UBE2E3: variants seen among roughly 807,000 people sequenced by gnomAD.
UBE2E3 encodes ubiquitin-conjugating enzyme E2 E3.
Under a neutral mutation model 23.6 loss-of-function variants are expected in UBE2E3, and 5 were observed. That is an observed-to-expected ratio of 0.21 (90% CI 0.11 to 0.44). The LOEUF (loss-of-function observed/expected upper bound fraction) is 0.44. Among genes scored for constraint, UBE2E3 ranks in the 20% least tolerant of loss-of-function variants. The probability of loss-of-function intolerance (pLI) is 0.99; values close to 1 mark genes in which losing one functional copy is unlikely to be tolerated. For synonymous variants in UBE2E3, 78 were observed against 87.5 expected, an observed-to-expected ratio of 0.89 and a Z score of 0.60; for missense variants, 81 against 249.8, an observed-to-expected ratio of 0.32 and a Z score of 4.55.
intron 2 of UBE2E3, 152 bp from the exon 3 acceptor site, chr2:180,983,891 C>A: frequency 1.9e-6 from 1 of 530,320 alleles, no homozygotes; most frequent in Non-Finnish European, 3.3e-6. Context: ...TGGGTTATGC[C>A]TCTGAGAACA....
intron 3 of UBE2E3, among the ~76,000 whole-genome samples, chr2:181,004,994 A>G (rs1250553358): frequency 1.3e-5 from 2 of 152,252 alleles, no homozygotes; most frequent in South Asian, 2.1e-4. Context: ...CTATAAGACA[A>G]ACTCAGCACT....
intron 3 of UBE2E3, among the ~76,000 whole-genome samples, chr2:181,003,117 T>C (rs62180120): frequency 0.23 from 35,371 of 152,188 alleles, 4,487 homozygotes; most frequent in Non-Finnish European, 0.28. Flanking sequence ...GAACATCACT[T>C]TTGTGACAGG....
At chr2:181,026,659 T>G (rs539019584) in intron 3 of UBE2E3, among the ~76,000 whole-genome samples, 1 of 151,984 alleles carries the variant, frequency 6.6e-6, no homozygotes, top group African/African-American at 2.4e-5. Flanking sequence ...AATATTTGAC[T>G]CCGGCCCTTT....
chr2:181,035,679 A>T (rs753231334), intron 3 of UBE2E3, among the ~76,000 whole-genome samples: 6 of 151,700 alleles, frequency 4.0e-5, no homozygotes, highest in Non-Finnish European at 8.8e-5. Flanking sequence ...ACATTATTAG[A>T]TTTTTTTTGC....
chr2:181,034,054 T>C (rs913442269), intron 3 of UBE2E3, among the ~76,000 whole-genome samples: 1 of 152,036 alleles, frequency 6.6e-6, no homozygotes, highest in Non-Finnish European at 1.5e-5. Flanking sequence ...CGTGGAGAAA[T>C]AGGAACACTT....
chr2:181,010,156 G>A (rs967373655), intron 3 of UBE2E3, among the ~76,000 whole-genome samples: 2 of 152,098 alleles, frequency 1.3e-5, no homozygotes, highest in Non-Finnish European at 2.9e-5. Flanking sequence ...CCATAATGGT[G>A]TAATAATTGG....
chr2:180,983,220 T>C (rs951649562), intron 2 of UBE2E3, among the ~76,000 whole-genome samples: 2 of 151,588 alleles, frequency 1.3e-5, no homozygotes, highest in East Asian at 1.9e-4. Context: ...TAAATACTCA[T>C]ATTTTTCTAT....
At chr2:181,017,317 G>A (rs1333014120) in intron 3 of UBE2E3, among the ~76,000 whole-genome samples, 6 of 152,158 alleles carry the variant, frequency 3.9e-5, no homozygotes, top group Non-Finnish European at 7.3e-5. Context: ...CCAGTGGGAC[G>A]AGTTTAGAGC....
intron 3 of UBE2E3, among the ~76,000 whole-genome samples, chr2:181,003,032 A>G (rs1434676080): frequency 6.6e-6 from 1 of 152,208 alleles, no homozygotes; most frequent in Non-Finnish European, 1.5e-5. Context: ...TGTTGTTGGT[A>G]TCTTATGTAG....
intron 4 of UBE2E3, among the ~76,000 whole-genome samples, chr2:181,058,523 T>G (rs753031283): frequency 6.6e-6 from 1 of 151,714 alleles, no homozygotes; most frequent in Non-Finnish European, 1.5e-5. Flanking sequence ...AGTCAGCAGG[T>G]AAAAACCACT....
intron 3 of UBE2E3, among the ~76,000 whole-genome samples, chr2:181,003,983 A>C (rs1685064456): frequency 6.6e-6 from 1 of 152,214 alleles, no homozygotes; most frequent in Non-Finnish European, 1.5e-5. Flanking sequence ...TGGAAGCAAG[A>C]TTCAGTTTTA....
intron 3 of UBE2E3, among the ~76,000 whole-genome samples, chr2:181,050,500 T>C (rs1271948955): frequency 6.6e-6 from 1 of 151,928 alleles, no homozygotes; most frequent in East Asian, 1.9e-4. Context: ...ATCCAAATTA[T>C]ATGAAGCATT....
chr2:181,056,964 C>T (rs1427730804), intron 3 of UBE2E3, among the ~76,000 whole-genome samples: 1 of 151,548 alleles, frequency 6.6e-6, no homozygotes. Flanking sequence ...ACTATTTCAG[C>T]CAGAAATGCG....
intron 3 of UBE2E3, among the ~76,000 whole-genome samples, chr2:180,993,885 A>T (rs62180089): frequency 0.23 from 35,318 of 152,048 alleles, 4,474 homozygotes; most frequent in Non-Finnish European, 0.28. Flanking sequence ...CATTGGCTTT[A>T]TGATTTATTC....
At position 181,016,601 on chromosome 2, in the gene UBE2E3, C is replaced by G. The variant is rs1041935804; in HGVS notation, c.245+32508C>G. On this transcript the variant is annotated intron_variant, in intron 3 of 5. Coordinates refer to ENST00000410062, the MANE Select transcript of UBE2E3 (RefSeq NM_006357.4). ...GCTTATAAGTAATGGAGGTAGAATC[C>G]CAGCTCAAGTCTGTTGACCCCCAAA... Among the ~76,000 whole-genome samples, 8 of 152,176 alleles carry G rather than the reference C, an allele frequency of 5.3e-5. No homozygotes were observed. The South Asian group carries it at 1.7e-3, about 32-fold the overall frequency.
chr2:181,019,546 A>G (rs1353844898), intron 3 of UBE2E3, among the ~76,000 whole-genome samples: 1 of 152,242 alleles, frequency 6.6e-6, no homozygotes, highest in African/African-American at 2.4e-5. Flanking sequence ...AATAGAAACT[A>G]GAAAACTCAG....
At chr2:181,059,796 C>T (rs1687090775) in intron 4 of UBE2E3, among the ~76,000 whole-genome samples, 1 of 151,686 alleles carries the variant, frequency 6.6e-6, no homozygotes, top group African/African-American at 2.4e-5. Context: ...TACCCCCTCC[C>T]TGTCATGCAT....
At chr2:181,054,883 A>G (rs763509746) in intron 3 of UBE2E3, among the ~76,000 whole-genome samples, 32 of 151,922 alleles carry the variant, frequency 2.1e-4, no homozygotes, top group Non-Finnish European at 3.2e-4. Context: ...GTGATAAGGA[A>G]TAGGAATAGA....
chr2:181,049,314 C>A (rs1686759435), intron 3 of UBE2E3, among the ~76,000 whole-genome samples: 2 of 152,028 alleles, frequency 1.3e-5, no homozygotes, highest in African/African-American at 4.8e-5. Context: ...TTTCACCACA[C>A]CCACAGTTTA....
Sources: allele counts gnomAD v4.1 joint callset (sites outside exome capture counted in the v4.1 genomes callset), GRCh38; gene constraint gnomAD v4.1.1; transcripts MANE v1.5; gene names NCBI Gene and HGNC (gene_info 2026-07-23, HGNC 2026-07-21).